Variants in CEMIP observed in about 807,000 individuals in gnomAD.
CEMIP encodes the protein cell migration inducing hyaluronidase 1, also known as cell migration-inducing and hyaluronan-binding protein.
CEMIP carries 105 observed loss-of-function variants against 156.9 expected under a neutral mutation model. That is an observed-to-expected ratio of 0.67 (90% CI 0.57 to 0.79). The LOEUF is 0.79. CEMIP is among the 30% of genes least tolerant of loss of function. The probability of loss-of-function intolerance (pLI) is 0.00; values close to 1 mark genes in which losing one functional copy is unlikely to be tolerated. For synonymous variants in CEMIP, 676 were observed against 668.4 expected, an observed-to-expected ratio of 1.01 and a Z score of -0.17; for missense variants, 1,457 against 1,769.4, an observed-to-expected ratio of 0.82 and a Z score of 3.17.
At chr15:80,946,765 G>A (rs1901573154) in intron 28 of CEMIP, 200 bp from the exon 29 acceptor site, 5 of 602,300 alleles carry the variant, frequency 8.3e-6, no homozygotes, top group Non-Finnish European at 1.2e-5. Context: ...TGTGTGGGAG[G>A]GAGCTCAGGA....
chr15:80,795,969 G>A (rs938951491), intron 1 of CEMIP, among the ~76,000 whole-genome samples: 3 of 152,158 alleles, frequency 2.0e-5, no homozygotes, highest in Non-Finnish European at 4.4e-5. Flanking sequence ...CTGAGGAAAT[G>A]ATACAAAATT....
chr15:80,942,209 A>G (rs755323348), intron 26 of CEMIP, 42 bp from the exon 27 acceptor site: 1 of 1,563,958 alleles, frequency 6.4e-7, no homozygotes, highest in Admixed American at 1.7e-5. Context: ...GGGAATGACT[A>G]CCCAAACCTA....
chr15:80,938,185 A>T (rs1383906081), intron 25 of CEMIP: 25 of 565,132 alleles, frequency 4.4e-5, no homozygotes, highest in Admixed American at 1.2e-4. Context: ...TAAACACCCT[A>T]TTAAATATAC....
Position 80,836,954 on chromosome 15 carries a change from A to C in CEMIP, c.-175-36584A>C, listed in dbSNP as rs145797811. Among the ~76,000 whole-genome samples, 713 of 152,216 alleles carry C rather than the reference A, an allele frequency of 4.7e-3. 4 individuals carry two copies. The highest frequency in any genetic ancestry group is 7.5e-3 in the Non-Finnish European group (509 of 68,020). On this transcript the variant is annotated intron_variant, in intron 1 of 29. Coordinates refer to ENST00000394685, the MANE Select transcript of CEMIP (RefSeq NM_001293298.2). ...CTGGCTGCCTTGAGTTCTATTTTGG[A>C]AACGTTATTTCTAATTTCTCCCCAG... is the stretch of plus-strand genomic sequence containing the variant.
chr15:80,912,006 G>A (rs1194171594), intron 14 of CEMIP, among the ~76,000 whole-genome samples: 1 of 152,138 alleles, frequency 6.6e-6, no homozygotes, highest in Non-Finnish European at 1.5e-5. Context: ...GGGAGAGGCT[G>A]TGATTGCTGG....
intron 12 of CEMIP, among the ~76,000 whole-genome samples, chr15:80,902,860 T>C (rs532271947): frequency 1.3e-5 from 2 of 152,308 alleles, no homozygotes; most frequent in East Asian, 3.9e-4. Flanking sequence ...TCTGTTACAC[T>C]AGCCTCCTAC....
chr15:80,863,460 G>C (rs1054954496), intron 1 of CEMIP, among the ~76,000 whole-genome samples: 2 of 152,198 alleles, frequency 1.3e-5, no homozygotes, highest in African/African-American at 4.8e-5. Context: ...CCGCAGCCCA[G>C]TGTGGAAAAT....
chr15:80,794,470 C>A (rs1047882237), intron 1 of CEMIP, among the ~76,000 whole-genome samples: 1 of 152,162 alleles, frequency 6.6e-6, no homozygotes, highest in African/African-American at 2.4e-5. Flanking sequence ...AGGAGACATA[C>A]AATGGGTGCC....
intron 1 of CEMIP, among the ~76,000 whole-genome samples, chr15:80,788,789 G>A (rs1452420131): frequency 6.6e-6 from 1 of 152,078 alleles, no homozygotes; most frequent in African/African-American, 2.4e-5. Context: ...GAGTGAGCCT[G>A]CTCATCTCTC....
intron 1 of CEMIP, among the ~76,000 whole-genome samples, chr15:80,834,275 C>T (rs1897221750): frequency 6.6e-6 from 1 of 152,228 alleles, no homozygotes; most frequent in South Asian, 2.1e-4. Flanking sequence ...TTTTCAGGCT[C>T]TTAAAGGTGT....
At chr15:80,903,291 G>A (rs1388877868) in intron 12 of CEMIP, 2 of 152,330 alleles carry the variant, frequency 1.3e-5, no homozygotes, top group Non-Finnish European at 1.5e-5. Context: ...ATGTCCTGGA[G>A]GCGGGGAGGC....
Position 80,932,145 on chromosome 15 carries a change from T to G in CEMIP, c.2793+106T>G. 3.9e-6 allele frequency: 5 copies of G among 1,296,968 alleles called. No homozygotes were observed. The highest frequency in any genetic ancestry group is 1.2e-5 in the South Asian group (1 of 83,662). 80.3% of individuals were successfully genotyped at this position (1,296,968 alleles called of 1,614,324 possible). A position where few individuals can be genotyped will look rare whatever the true frequency, so the allele number is the denominator to read the frequency against. ...GAGCTATTGCCACCACCGCAGGGGT[T>G]GAGAAGCCTCCTCCAACTAGGCTGG... On this transcript the variant is annotated intron_variant, in intron 22 of 29. Coordinates refer to ENST00000394685, the MANE Select transcript of CEMIP (RefSeq NM_001293298.2). The surrounding 1 kb of genome is among the most constrained non-coding windows in gnomAD (Gnocchi z 4.5).
Position 80,876,210 on chromosome 15 carries a change from C to T in CEMIP, c.94+2237C>T, listed in dbSNP as rs529109618. Among the ~76,000 whole-genome samples the T allele has an allele frequency of 5.3e-5, 8 of 152,310 alleles. No individual in the cohort carries two copies. The East Asian group carries it at 1.4e-3, about 26-fold the overall frequency. On this transcript the variant is annotated intron_variant, in intron 3 of 29. Coordinates refer to ENST00000394685, the MANE Select transcript of CEMIP (RefSeq NM_001293298.2). ...TGGAGCCTGACACTCTTGTCCAGGA[C>T]TTGATGGAAGGCAGCCCAGGGCCTC...
intron 1 of CEMIP, among the ~76,000 whole-genome samples, chr15:80,787,054 G>A (rs1895958322): frequency 6.6e-6 from 1 of 152,200 alleles, no homozygotes; most frequent in Non-Finnish European, 1.5e-5. Flanking sequence ...GAGGCGCAGG[G>A]TTGCGGGTGG....
chr15:80,865,469 C>T (rs1567074227), intron 1 of CEMIP, among the ~76,000 whole-genome samples: 4 of 152,132 alleles, frequency 2.6e-5, no homozygotes, highest in African/African-American at 2.4e-5. Flanking sequence ...CGTGAGCCAC[C>T]GCGCCCGGCC....
intron 1 of CEMIP, among the ~76,000 whole-genome samples, chr15:80,853,581 T>G (rs1897764897): frequency 6.6e-6 from 1 of 152,166 alleles, no homozygotes; most frequent in African/African-American, 2.4e-5. Context: ...AAGAAGGGAA[T>G]TGACCCAATT....
At chr15:80,933,701 C>T (rs1319015016) in intron 23 of CEMIP, among the ~76,000 whole-genome samples, 4 of 152,182 alleles carry the variant, frequency 2.6e-5, no homozygotes, top group African/African-American at 4.8e-5. Flanking sequence ...TCAACTGCTT[C>T]GATTCAAGTC....
chr15:80,866,141 C>T (rs1898119775), intron 1 of CEMIP, among the ~76,000 whole-genome samples: 1 of 152,168 alleles, frequency 6.6e-6, no homozygotes, highest in Admixed American at 6.5e-5. Context: ...ACAGCAGGAT[C>T]AAATGGGATT....
rs550979434 is a variant in CEMIP at position 80,921,902 on chromosome 15, G to A, written c.2074-107G>A. 8.6e-5 allele frequency: 124 copies of A among 1,445,596 alleles called. No individual in the cohort carries two copies. In the South Asian group the frequency reaches 1.3e-3, roughly 15 times the overall value. The allele number at this position is 1,445,596 out of a possible 1,614,324, so 89.5% of individuals were successfully genotyped here. On this transcript the variant is annotated intron_variant, in intron 16 of 29. Coordinates refer to ENST00000394685, the MANE Select transcript of CEMIP (RefSeq NM_001293298.2). ...GGCACCGAGGGCTCCTGTGGGTGAC[G>A]GCAGTAGCTACTAGACCCATCTCCG...
Sources: gnomAD v4.1 joint callset for allele counts (sites outside exome capture counted in the v4.1 genomes callset) on GRCh38, gnomAD v4.1.1 for gene constraint, Gnocchi (gnomAD v3.1) non-coding constraint, MANE v1.5 for transcripts, NCBI Gene and HGNC (gene_info 2026-07-23, HGNC 2026-07-21) for gene names.